DLG2: variants seen among roughly 807,000 people sequenced by gnomAD.
DLG2 encodes the protein disks large homolog 2.
Under a neutral mutation model 132.5 loss-of-function variants are expected in DLG2, and 45 were observed. The ratio of observed to expected loss-of-function variants is 0.34; its 90% confidence interval spans 0.27 to 0.44. The LOEUF (loss-of-function observed/expected upper bound fraction) is 0.44. Among genes scored for constraint, DLG2 ranks in the 20% least tolerant of loss-of-function variants. DLG2 has a pLI of 1.00. For missense variants in DLG2, 1,045 were observed against 1,196.9 expected (o/e 0.87, Z 1.87); for synonymous variants, 424 against 419.6 (o/e 1.01, Z -0.13).
chr11:84,657,358 T>C (rs2154547504), intron 6 of DLG2, among the ~76,000 whole-genome samples: 1 of 152,112 alleles, frequency 6.6e-6, no homozygotes, highest in South Asian at 2.1e-4. Flanking sequence ...TAAGGAGCCA[T>C]AGAAAAGAGC....
At chr11:83,587,273 T>C (rs151159727) in intron 19 of DLG2, among the ~76,000 whole-genome samples, 152 of 151,966 alleles carry the variant, frequency 1.0e-3, no homozygotes, top group Non-Finnish European at 1.5e-3. Flanking sequence ...TTTGCTACTT[T>C]TTTTTTTTTT....
intron 3 of DLG2, among the ~76,000 whole-genome samples, chr11:85,385,242 G>T (rs1055928979): frequency 6.6e-6 from 1 of 152,160 alleles, no homozygotes; most frequent in East Asian, 1.9e-4. Context: ...AGCCTGATAG[G>T]GTTATTTTAT....
At chr11:84,672,051 C>T (rs2153693876) in intron 6 of DLG2, among the ~76,000 whole-genome samples, 1 of 152,242 alleles carries the variant, frequency 6.6e-6, no homozygotes, top group Non-Finnish European at 1.5e-5. Flanking sequence ...TTTAAGCAAA[C>T]ATTTATTGTG....
intron 6 of DLG2, among the ~76,000 whole-genome samples, chr11:85,061,443 G>T (rs1331483375): frequency 6.6e-6 from 1 of 151,730 alleles, no homozygotes; most frequent in Non-Finnish European, 1.5e-5. Flanking sequence ...TTTGCAACTT[G>T]AATTTCTCAG....
rs1211950477 is a variant in DLG2, at chr11:85,492,171, A to G, written c.40+106486T>C. Among the ~76,000 whole-genome samples, 4 of 152,178 alleles carry G rather than the reference A, an allele frequency of 2.6e-5. No individual in the cohort carries two copies. In the East Asian group the frequency reaches 7.7e-4, roughly 29 times the overall value. On this transcript the variant is annotated intron_variant, in intron 3 of 27. Coordinates refer to ENST00000376104, the MANE Select transcript of DLG2 (RefSeq NM_001142699.3). ...AGTAATATACATGTTAATTCGCTCA[A>G]TTTAGCCATGCCACATATGCATATT...
intron 7 of DLG2, among the ~76,000 whole-genome samples, chr11:84,383,528 T>TA (rs1293531161): frequency 6.6e-6 from 1 of 152,108 alleles, no homozygotes; most frequent in African/African-American, 2.4e-5. Context: ...ACACACTTCT[T>TA]AGAAGATTGG....
intron 6 of DLG2, chr11:84,720,554 G>T: frequency 1.1e-6 from 1 of 908,838 alleles, no homozygotes; most frequent in Non-Finnish European, 1.3e-6. Flanking sequence ...AACGCCGCGG[G>T]CAAGTACCGA....
intron 6 of DLG2, among the ~76,000 whole-genome samples, chr11:85,032,644 T>C (rs558592352): frequency 2.0e-5 from 3 of 152,342 alleles, no homozygotes; most frequent in Non-Finnish European, 2.9e-5. Context: ...ATCATTATTA[T>C]TGGTTATCCA....
At chr11:84,856,049 C>A (rs945600244) in intron 6 of DLG2, among the ~76,000 whole-genome samples, 2 of 151,992 alleles carry the variant, frequency 1.3e-5, no homozygotes, top group Admixed American at 1.3e-4. Flanking sequence ...ATAAAAAATT[C>A]CAATTGCAAG....
At chr11:84,489,924 G>T (rs952883456) in intron 7 of DLG2, among the ~76,000 whole-genome samples, 1 of 151,926 alleles carries the variant, frequency 6.6e-6, no homozygotes, top group African/African-American at 2.4e-5. Context: ...GGAGAAAAAA[G>T]AGGCAGAAAA....
At chr11:84,379,563 G>T (rs1323790919) in intron 7 of DLG2, among the ~76,000 whole-genome samples, 1 of 152,050 alleles carries the variant, frequency 6.6e-6, no homozygotes, top group Non-Finnish European at 1.5e-5. Flanking sequence ...GATTCAAGAT[G>T]TAGAAACATA....
chr11:84,194,865 C>G (rs1044708134), intron 8 of DLG2, among the ~76,000 whole-genome samples: 1 of 152,192 alleles, frequency 6.6e-6, no homozygotes, highest in African/African-American at 2.4e-5. Flanking sequence ...TGCCTGGGGC[C>G]GGCGGCGCTG....
chr11:84,854,617 C>T (rs142210219), intron 6 of DLG2, among the ~76,000 whole-genome samples: 94 of 152,106 alleles, frequency 6.2e-4, no homozygotes, highest in Middle Eastern at 6.8e-3. Flanking sequence ...TTTGTACTCA[C>T]GGGGAATTCC....
chr11:84,602,985 A>G (rs555198386), intron 6 of DLG2, among the ~76,000 whole-genome samples: 1 of 152,058 alleles, frequency 6.6e-6, no homozygotes, highest in Non-Finnish European at 1.5e-5. Flanking sequence ...AAATTAGAAA[A>G]TTCTAATTTA....
intron 18 of DLG2, among the ~76,000 whole-genome samples, chr11:83,648,655 A>C (rs2069025657): frequency 6.6e-6 from 1 of 152,192 alleles, no homozygotes; most frequent in South Asian, 2.1e-4. Context: ...AAAGTACAAA[A>C]GCATTGTGTG....
chr11:84,866,017 T>G (rs2084503564), intron 6 of DLG2, among the ~76,000 whole-genome samples: 1 of 152,228 alleles, frequency 6.6e-6, no homozygotes, highest in Non-Finnish European at 1.5e-5. Flanking sequence ...AAGCAGTGAT[T>G]ATCAACAGGG....
chr11:85,269,942 A>G (rs2077424743), intron 4 of DLG2, among the ~76,000 whole-genome samples: 1 of 152,222 alleles, frequency 6.6e-6, no homozygotes, highest in South Asian at 2.1e-4. Context: ...AAATGAATAA[A>G]TATATCTAGA....
chr11:85,517,035 G>A (rs899064634), intron 3 of DLG2, among the ~76,000 whole-genome samples: 3 of 151,866 alleles, frequency 2.0e-5, no homozygotes, highest in African/African-American at 7.3e-5. Flanking sequence ...CAAAAAATAT[G>A]AGAAAACCAA....
At chr11:84,407,566 G>A (rs1034874702) in intron 7 of DLG2, among the ~76,000 whole-genome samples, 2 of 152,104 alleles carry the variant, frequency 1.3e-5, no homozygotes, top group African/African-American at 4.8e-5. Context: ...TTAGTTCCTA[G>A]ACCTACCTTC....
Sources: gnomAD v4.1 joint callset for allele counts (sites outside exome capture counted in the v4.1 genomes callset) on GRCh38, gnomAD v4.1.1 for gene constraint, MANE v1.5 for transcripts, NCBI Gene and HGNC (gene_info 2026-07-23, HGNC 2026-07-21) for gene names.